Variants in EPHA6 observed in about 807,000 individuals in gnomAD.
The protein encoded by EPHA6 is EPH receptor A6.
Under a neutral mutation model 112.0 loss-of-function variants are expected in EPHA6, and 50 were observed. The ratio of observed to expected loss-of-function variants is 0.45; its 90% CI spans 0.36 to 0.56. The LOEUF is 0.56. Among genes scored for constraint, EPHA6 ranks in the 20% least tolerant of loss-of-function variants. The probability of loss-of-function intolerance (pLI) is 0.00; values close to 1 mark genes in which losing one functional copy is unlikely to be tolerated. For synonymous variants in EPHA6, 529 were observed against 490.7 expected, an observed-to-expected ratio of 1.08 and a Z score of -1.03; for missense variants, 1,280 against 1,417.4, an observed-to-expected ratio of 0.90 and a Z score of 1.56.
At chr3:97,157,444 A>G (rs1383460678) in intron 3 of EPHA6, among the ~76,000 whole-genome samples, 1 of 152,170 alleles carries the variant, frequency 6.6e-6, no homozygotes, top group Non-Finnish European at 1.5e-5. Context: ...AGCAGTACAC[A>G]TAAATATTCA....
At chr3:97,464,524 A>T (rs1324312148) in intron 7 of EPHA6, among the ~76,000 whole-genome samples, 1 of 152,086 alleles carries the variant, frequency 6.6e-6, no homozygotes, top group Non-Finnish European at 1.5e-5. Context: ...AAACCTCTCC[A>T]TGTTTATGCT....
At chr3:97,165,552 T>A (rs1380121891) in intron 3 of EPHA6, among the ~76,000 whole-genome samples, 1 of 152,080 alleles carries the variant, frequency 6.6e-6, no homozygotes, top group Non-Finnish European at 1.5e-5. Context: ...GAAAAATGTC[T>A]GAGCCTGGTA....
At chr3:97,375,929 G>A (rs1434383983) in intron 5 of EPHA6, among the ~76,000 whole-genome samples, 3 of 152,038 alleles carry the variant, frequency 2.0e-5, no homozygotes, top group Admixed American at 1.3e-4. Flanking sequence ...GAGGAGGAAT[G>A]GATTACAAAT....
chr3:97,178,293 C>A (rs192963457), intron 3 of EPHA6, among the ~76,000 whole-genome samples: 1 of 151,974 alleles, frequency 6.6e-6, no homozygotes, highest in Non-Finnish European at 1.5e-5. Context: ...TTATATCTTA[C>A]GGTATTCACT....
chr3:97,233,502 A>G (rs772239556), intron 4 of EPHA6, among the ~76,000 whole-genome samples: 6 of 152,248 alleles, frequency 3.9e-5, no homozygotes, highest in Admixed American at 3.3e-4. Flanking sequence ...CAAGCAGTCA[A>G]TCTTTCCTGT....
In EPHA6 at chr3:96,987,454, A is replaced by T. The variant is rs375049114; in HGVS notation, c.575A>T (p.Gln192Leu). 6.2e-7 allele frequency: 1 copy of T among 1,613,874 alleles called. No homozygotes were observed. Among genetic ancestry groups the T allele is most frequent in the Non-Finnish European group, 8.5e-7 (1 of 1,179,892 alleles). Residue 192 changes from glutamine (Q) to leucine (L), a missense_variant, in exon 3 of 18, where the codon CAG (glutamine) becomes CTG (leucine). Coordinates refer to ENST00000389672, the MANE Select transcript of EPHA6 (RefSeq NM_001080448.3). ...RTNWISRDAA[Q>L]KIYVEMKFTL... ...AACTGGATCTCCCGTGATGCAGCTC[A>T]GAAAATTTATGTGGAAATGAAATTC... is the stretch of plus-strand genomic sequence containing the variant.
rs1379138517 is a variant in EPHA6 at position 97,752,011 on chromosome 3, GCAAT to G, written c.*3314_*3317del. On this transcript the variant is annotated 3_prime_UTR_variant, in exon 18 of 18. Coordinates refer to ENST00000389672, the MANE Select transcript of EPHA6 (RefSeq NM_001080448.3). Reference sequence around the variant, plus strand: ...TAAAGTATTTAAATCATTTTAAAAAGCAATCAAATTGCAAAATTTTGGTGGTTTA... The same window carrying G: ...TAAAGTATTTAAATCATTTTAAAAAGCAAATTGCAAAATTTTGGTGGTTTA... 1.3e-5 allele frequency among the ~76,000 whole-genome samples: 2 copies of G among 152,210 alleles called. No homozygotes were observed. Among genetic ancestry groups the G allele is most frequent in the African/African-American group, 4.8e-5 (2 of 41,558 alleles).
chr3:97,316,413 G>A (rs2081839631), intron 5 of EPHA6, among the ~76,000 whole-genome samples: 1 of 151,848 alleles, frequency 6.6e-6, no homozygotes, highest in Non-Finnish European at 1.5e-5. Flanking sequence ...CAATCAAGAA[G>A]ATGAAATAAA....
At chr3:96,983,376 T>G (rs947183279) in intron 2 of EPHA6, among the ~76,000 whole-genome samples, 1 of 152,220 alleles carries the variant, frequency 6.6e-6, no homozygotes, top group Non-Finnish European at 1.5e-5. Flanking sequence ...TGTTGAATAT[T>G]GGCCCCCACT....
chr3:97,122,614 G>A (rs1269975584), intron 3 of EPHA6, among the ~76,000 whole-genome samples: 2 of 152,048 alleles, frequency 1.3e-5, no homozygotes, highest in Middle Eastern at 3.4e-3. Context: ...AAGCTTGTAC[G>A]TATTTCATTG....
rs529243006 is a variant in EPHA6, at chr3:97,448,622, A to G, written c.1786A>G (p.Ile596Val). ...AAGGTCCAAAGCCCCCAGTGTCATC[A>G]TCACAGGTCTTAAGCCAGCCACCAA... ...STRSKAPSVI[I>V]TGLKPATKYV... Residue 596 changes from isoleucine to valine, a missense_variant, in exon 7 of 18, where the codon ATC becomes GTC. By Grantham distance (29) the Ile-to-Val change is conservative. Coordinates refer to ENST00000389672, the MANE Select transcript of EPHA6 (RefSeq NM_001080448.3). 19 of 1,613,578 alleles carry G rather than the reference A, an allele frequency of 1.2e-5. No homozygotes were observed. In the South Asian group the frequency reaches 2.0e-4, roughly 17 times the overall value.
At chr3:97,100,277 A>T (rs1909828) in intron 3 of EPHA6, among the ~76,000 whole-genome samples, 31,474 of 149,798 alleles carry the variant, frequency 0.21, 4,711 homozygotes, top group African/African-American at 0.4. Flanking sequence ...AGATATATGG[A>T]GCTTAACATT....
chr3:96,897,066 A>G (rs1159442733), intron 2 of EPHA6, among the ~76,000 whole-genome samples: 2 of 144,732 alleles, frequency 1.4e-5, no homozygotes, highest in East Asian at 4.1e-4. Flanking sequence ...AGGACTCTAT[A>G]CATGCTAATA....
At chr3:97,179,717 G>GTCAGTCTCTC (rs2076932501) in intron 3 of EPHA6, among the ~76,000 whole-genome samples, 1 of 119,110 alleles carries the variant, frequency 8.4e-6, no homozygotes, top group African/African-American at 3.8e-5. Context: ...AACCTACAGA[G>GTCAGTCTCTC]TCTCTCTCTC....
chr3:96,918,500 C>A (rs986756028), intron 2 of EPHA6, among the ~76,000 whole-genome samples: 13 of 151,994 alleles, frequency 8.6e-5, no homozygotes, highest in African/African-American at 1.9e-4. Flanking sequence ...TGATGGTAGG[C>A]AATGTGCAAG....
intron 3 of EPHA6, among the ~76,000 whole-genome samples, chr3:97,054,407 GTTA>G (rs2108096868): frequency 6.6e-6 from 1 of 152,222 alleles, no homozygotes; most frequent in South Asian, 2.1e-4. Context: ...ATGAATATTA[GTTA>G]TTAGAGAAAA....
At position 97,751,135 on chromosome 3, in the gene EPHA6, T is replaced by A. The variant is rs933477374; in HGVS notation, c.*2434T>A. ...TAGGAAAATAAGGAATAGAATAATATGGTCTTCCACAGGACTCTGTCGGCA... is the reference window on the plus strand; with the variant it reads ...TAGGAAAATAAGGAATAGAATAATAAGGTCTTCCACAGGACTCTGTCGGCA... On this transcript the variant is annotated 3_prime_UTR_variant, in exon 18 of 18. Coordinates refer to ENST00000389672, the MANE Select transcript of EPHA6 (RefSeq NM_001080448.3). 2.6e-5 allele frequency among the ~76,000 whole-genome samples: 4 copies of A among 152,140 alleles called. No homozygotes were observed.
chr3:97,293,849 G>C (rs1035348129), intron 5 of EPHA6, among the ~76,000 whole-genome samples: 2 of 152,192 alleles, frequency 1.3e-5, no homozygotes, highest in Non-Finnish European at 2.9e-5. Flanking sequence ...ATGCCGAGGA[G>C]TGCCTGCAAG....
intron 3 of EPHA6, among the ~76,000 whole-genome samples, chr3:97,183,000 A>C (rs945212309): frequency 6.6e-6 from 1 of 152,080 alleles, no homozygotes; most frequent in African/African-American, 2.4e-5. Context: ...TTTTAAATCT[A>C]CTTTTTTTTT....
Sources: gnomAD v4.1 joint callset for allele counts (sites outside exome capture counted in the v4.1 genomes callset) on GRCh38, gnomAD v4.1.1 for gene constraint, MANE v1.5 for transcripts, NCBI Gene and HGNC (gene_info 2026-07-23, HGNC 2026-07-21) for gene names.